COL5A2: variants seen among roughly 807,000 people sequenced by gnomAD.
The protein encoded by COL5A2 is collagen type V alpha 2 chain, also known as collagen alpha-2(V) chain.
A neutral mutation model predicts 208.2 loss-of-function variants in COL5A2; 23 were observed. The observed-to-expected ratio is 0.11, with a 90% CI of 0.08 to 0.16. The LOEUF (loss-of-function observed/expected upper bound fraction) is 0.16, where lower values mean the gene tolerates loss of function less well. COL5A2 is among the 10% of genes least tolerant of loss of function. The pLI is 1.00. For synonymous variants in COL5A2, 625 were observed against 628.5 expected (o/e 0.99, Z 0.08); for missense variants, 1,590 against 1,956.4 (o/e 0.81, Z 3.53).
rs113311693 is a variant in COL5A2, at chr2:189,033,555, G to C, written c.*515C>G. The stretch of plus-strand genomic sequence containing the variant: ...ATATCAAGACATGCATGTAGGTCTC[G>C]ATCACAAGTTAAACATTTTAAACTC... On this transcript the variant is annotated 3_prime_UTR_variant, in exon 54 of 54. Coordinates refer to ENST00000374866, the MANE Select transcript of COL5A2 (RefSeq NM_000393.5). The C allele has an allele frequency of 6.0e-6, 1 of 167,256 alleles. No homozygotes were observed. Among genetic ancestry groups the C allele is most frequent in the Non-Finnish European group, 1.3e-5 (1 of 76,296 alleles). 10.4% of individuals were successfully genotyped at this position (167,256 alleles called of 1,614,324 possible).
the COL5A2 span, among the ~76,000 whole-genome samples, chr2:189,368,850 A>C: frequency 6.6e-6 from 1 of 152,158 alleles, no homozygotes; most frequent in Non-Finnish European, 1.5e-5. Context: ...TGAACCATGT[A>C]CTATATAGTT....
the COL5A2 span, among the ~76,000 whole-genome samples, chr2:189,354,169 T>A: frequency 6.6e-6 from 1 of 152,076 alleles, no homozygotes; most frequent in African/African-American, 2.4e-5. Context: ...ATGTGCTGCT[T>A]GATTTGGTTT....
chr2:189,363,663 T>C, the COL5A2 span, among the ~76,000 whole-genome samples: 54 of 152,240 alleles, frequency 3.5e-4, no homozygotes, highest in East Asian at 4.8e-3. Flanking sequence ...CTCTTAATAC[T>C]AATAAGAGAT....
chr2:189,281,300 A>G, the COL5A2 span, among the ~76,000 whole-genome samples: 1 of 152,192 alleles, frequency 6.6e-6, no homozygotes, highest in Non-Finnish European at 1.5e-5. Context: ...AAAACAGTTC[A>G]TCATAAGCAG....
At chr2:189,391,980 G>C in the COL5A2 span, among the ~76,000 whole-genome samples, 1 of 152,050 alleles carries the variant, frequency 6.6e-6, no homozygotes, top group Admixed American at 6.6e-5. Flanking sequence ...AGTTATTAAT[G>C]TTCAGTTGAG....
chr2:189,118,543 T>C (rs757892545), intron 1 of COL5A2, among the ~76,000 whole-genome samples: 5 of 152,258 alleles, frequency 3.3e-5, no homozygotes, highest in Non-Finnish European at 7.4e-5. Context: ...GAAATTTCTT[T>C]TACAATCCAC....
rs766925699 is a variant in COL5A2, at chr2:189,110,374, G to A, written c.173C>T (p.Pro58Leu). 2.5e-6 allele frequency: 4 copies of A among 1,614,152 alleles called. 1 individual carries two copies. The South Asian group carries it at 4.4e-5, about 18-fold the overall frequency. The change falls in exon 2 of 54, where the codon CCT (proline) becomes CTT (leucine). Residue 58 changes from proline (P) to leucine (L), a missense_variant. Coordinates refer to ENST00000374866, the MANE Select transcript of COL5A2 (RefSeq NM_000393.5). ...ATTGTCACAGACACAGATCTGACAA[G>A]GGGCAGGTTTCCAAATGTCCCTGTT... Reference protein sequence around the residue: ...YLNRDIWKPAPCQICVCDNGA... With the variant: ...YLNRDIWKPALCQICVCDNGA...
chr2:189,318,845 G>C, the COL5A2 span, among the ~76,000 whole-genome samples: 1 of 152,224 alleles, frequency 6.6e-6, no homozygotes, highest in East Asian at 1.9e-4. Context: ...TTTGAATTTT[G>C]ACACAGCTGC....
intron 1 of COL5A2, among the ~76,000 whole-genome samples, chr2:189,143,497 C>T (rs752548401): frequency 6.6e-6 from 1 of 152,156 alleles, no homozygotes; most frequent in Non-Finnish European, 1.5e-5. Context: ...TTAATCCCAT[C>T]CTAATAAAGT....
At chr2:189,048,114 G>A (rs180913360) in intron 45 of COL5A2, 95 bp downstream of exon 45, 1 of 1,096,550 alleles carries the variant, frequency 9.1e-7, no homozygotes, top group African/African-American at 1.6e-5. Context: ...GAAGTGTATT[G>A]GAACTATCAG....
intron 18 of COL5A2, among the ~76,000 whole-genome samples, chr2:189,069,585 C>T (rs1020209944): frequency 1.3e-5 from 2 of 152,072 alleles, no homozygotes; most frequent in African/African-American, 4.8e-5. Context: ...AAGCTTCATG[C>T]AATCATCAGA....
At chr2:189,311,965 G>C in the COL5A2 span, 1 of 756,558 alleles carries the variant, frequency 1.3e-6, no homozygotes, top group Non-Finnish European at 2.4e-6. Flanking sequence ...GAGTGACATT[G>C]GTCATCAGTG....
At chr2:189,147,236 C>T (rs1034663674) in intron 1 of COL5A2, among the ~76,000 whole-genome samples, 1 of 152,200 alleles carries the variant, frequency 6.6e-6, no homozygotes, top group African/African-American at 2.4e-5. Flanking sequence ...CAGATAAATA[C>T]CTAAGATGCT....
At chr2:189,191,159 C>CCAAAAAAAAA (rs1688919980) in intron 1 of COL5A2, among the ~76,000 whole-genome samples, 4 of 19,116 alleles carry the variant, frequency 2.1e-4, no homozygotes, top group East Asian at 2.2e-3. Flanking sequence ...AAACAAAAAA[C>CCAAAAAAAAA]AAACAAACAA....
At chr2:189,260,372 A>C in the COL5A2 span, among the ~76,000 whole-genome samples, 1 of 152,214 alleles carries the variant, frequency 6.6e-6, no homozygotes, top group Admixed American at 6.5e-5. Flanking sequence ...TGGGTAGCCC[A>C]GTGACTGCAG....
At chr2:189,210,881 G>A (rs529540253) in intron 1 of COL5A2, among the ~76,000 whole-genome samples, 67 of 152,252 alleles carry the variant, frequency 4.4e-4, no homozygotes, top group Non-Finnish European at 8.7e-4. Context: ...GCTTCTTTAT[G>A]GGGATCTATG....
intron 16 of COL5A2, among the ~76,000 whole-genome samples, chr2:189,077,551 T>C (rs939603125): frequency 6.6e-6 from 1 of 152,150 alleles, no homozygotes; most frequent in Non-Finnish European, 1.5e-5. Context: ...TGGCAGACAG[T>C]AGAAGAAAGC....
chr2:189,422,224 T>G, the COL5A2 span, among the ~76,000 whole-genome samples: 1 of 151,960 alleles, frequency 6.6e-6, no homozygotes, highest in African/African-American at 2.4e-5. Context: ...GACAAAACAT[T>G]TATAATAACT....
chr2:189,336,555 T>C, the COL5A2 span, among the ~76,000 whole-genome samples: 1 of 152,204 alleles, frequency 6.6e-6, no homozygotes, highest in Non-Finnish European at 1.5e-5. Context: ...AATGAAAAAC[T>C]GATCCATGCA....
Sources: allele counts gnomAD v4.1 joint callset (sites outside exome capture counted in the v4.1 genomes callset), GRCh38; gene constraint gnomAD v4.1.1; transcripts MANE v1.5; gene names NCBI Gene and HGNC (gene_info 2026-07-23, HGNC 2026-07-21).